Variants in DNM3 observed in about 807,000 individuals in gnomAD.
DNM3 encodes dynamin 3.
In DNM3, 47 loss-of-function variants were observed where a neutral mutation model predicts 101.6. The observed-to-expected ratio is 0.46, with a 90% CI of 0.37 to 0.59. The LOEUF (loss-of-function observed/expected upper bound fraction) is 0.59. Among genes scored for constraint, DNM3 ranks in the 20% least tolerant of loss-of-function variants. DNM3 has a pLI of 0.00. For synonymous variants in DNM3, 385 were observed against 387.9 expected, an observed-to-expected ratio of 0.99 and a Z score of 0.09; for missense variants, 849 against 1,085.7, an observed-to-expected ratio of 0.78 and a Z score of 3.06.
chr1:172,142,736 TAAA>T (rs201730089), intron 14 of DNM3, among the ~76,000 whole-genome samples: 1 of 114,788 alleles, frequency 8.7e-6, no homozygotes. Context: ...ATTTCTAGAG[TAAA>T]AAAAAAAAAA....
chr1:172,206,797 G>A (rs1033298084), intron 14 of DNM3, among the ~76,000 whole-genome samples: 1 of 152,110 alleles, frequency 6.6e-6, no homozygotes, highest in East Asian at 1.9e-4. Context: ...CTGCTGACCT[G>A]AAGTATCTTC....
At chr1:172,090,305 TG>T (rs2053819537) in intron 12 of DNM3, among the ~76,000 whole-genome samples, 1 of 152,134 alleles carries the variant, frequency 6.6e-6, no homozygotes, top group South Asian at 2.1e-4. Context: ...TGGAGGGTGC[TG>T]GAAAAGTGAC....
intron 18 of DNM3, among the ~76,000 whole-genome samples, chr1:172,379,548 T>C (rs1352855184): frequency 1.3e-5 from 2 of 152,038 alleles, no homozygotes; most frequent in African/African-American, 2.4e-5. Flanking sequence ...GCAAAGGATA[T>C]ATTTGTTCCT....
chr1:172,297,504 T>C lies in DNM3; in HGVS notation c.1770-11224T>C, dbSNP rs542757515. On this transcript the variant is annotated intron_variant, in intron 15 of 20. Transcript: ENST00000627582. Reference sequence around the variant, plus strand: ...TTTTATATTTCCTATTTCCTTAATTTTGGCCTTAATCTGTGTTAATTCTCT... The same window carrying C: ...TTTTATATTTCCTATTTCCTTAATTCTGGCCTTAATCTGTGTTAATTCTCT... Among the ~76,000 whole-genome samples the C allele has an allele frequency of 5.9e-5, 9 of 152,272 alleles. No homozygotes were observed. The East Asian group carries it at 1.2e-3, about 20-fold the overall frequency.
At chr1:172,387,049 G>A in intron 18 of DNM3, 84 bp from the exon 19 acceptor site, 4 of 1,190,572 alleles carry the variant, frequency 3.4e-6, no homozygotes, top group Non-Finnish European at 4.9e-6. Flanking sequence ...ACTTTGTCCA[G>A]ACTCTGACTG....
intron 1 of DNM3, among the ~76,000 whole-genome samples, chr1:171,863,149 A>G (rs116428639): frequency 0.01 from 1,541 of 152,130 alleles, 32 homozygotes; most frequent in African/African-American, 0.035. Flanking sequence ...ACCCAGAAGT[A>G]AGATCCAAGA....
chr1:172,135,253 T>G (rs1328101246), intron 14 of DNM3, among the ~76,000 whole-genome samples: 1 of 152,138 alleles, frequency 6.6e-6, no homozygotes, highest in African/African-American at 2.4e-5. Flanking sequence ...ACATTGTTTG[T>G]TCCCTGTCCT....
At position 172,246,522 on chromosome 1, in the gene DNM3, CAA is replaced by C. The variant is rs2061960973; in HGVS notation, c.1660-7049_1660-7048del. On this transcript the variant is annotated intron_variant, in intron 14 of 20. Transcript: ENST00000627582. ...CTGAGCTAGATAATCTCTTTTGAGG[CAA>C]AGAGAAGCAGAGTGGCAAATAGGCA... 2.0e-5 allele frequency among the ~76,000 whole-genome samples: 3 copies of C among 152,078 alleles called. No individual in the cohort carries two copies. In the East Asian group the frequency reaches 5.8e-4, roughly 29 times the overall value.
chr1:172,086,097 A>T (rs1245116983), intron 12 of DNM3, among the ~76,000 whole-genome samples: 1 of 152,196 alleles, frequency 6.6e-6, no homozygotes, highest in Non-Finnish European at 1.5e-5. Context: ...CACCATTTTA[A>T]AAATAAGTAG....
intron 16 of DNM3, among the ~76,000 whole-genome samples, chr1:172,319,962 G>T (rs927386770): frequency 5.9e-5 from 9 of 151,952 alleles, no homozygotes; most frequent in African/African-American, 2.2e-4. Context: ...ACTCACAATA[G>T]CAAAGACTTG....
chr1:172,271,937 G>T (rs1457756378), intron 15 of DNM3, among the ~76,000 whole-genome samples: 2 of 152,076 alleles, frequency 1.3e-5, no homozygotes, highest in Non-Finnish European at 2.9e-5. Context: ...TGACGCCCAT[G>T]GTGATAGATA....
intron 12 of DNM3, among the ~76,000 whole-genome samples, chr1:172,088,977 A>G (rs2053721068): frequency 6.6e-6 from 1 of 152,256 alleles, no homozygotes; most frequent in South Asian, 2.1e-4. Flanking sequence ...ATGTCTCAGC[A>G]TACACCAATT....
At chr1:171,973,140 G>A (rs2044135984) in intron 2 of DNM3, among the ~76,000 whole-genome samples, 1 of 152,176 alleles carries the variant, frequency 6.6e-6, no homozygotes, top group South Asian at 2.1e-4. Flanking sequence ...GGATAGTGGT[G>A]CTGGTGGAAA....
rs1165611083 is a variant in DNM3, at chr1:172,106,847, C to CTTTTTTTTTTTTTTTTTTTTT, written c.1545+13976_1545+13996dup. ...TTATTCAATTTAAGGTAACATTATT[C>CTTTTTTTTTTTTTTTTTTTTT]TTTTTTTTTTTTTTTTTTTTTTTTG... On this transcript the variant is annotated intron_variant, in intron 13 of 20. Transcript: ENST00000627582. Among the ~76,000 whole-genome samples the CTTTTTTTTTTTTTTTTTTTTT allele has an allele frequency of 2.9e-4, 20 of 67,956 alleles. 2 individuals carry two copies. The highest frequency in any genetic ancestry group is 8.9e-4 in the African/African-American group (14 of 15,792). The allele number at this position is 67,956 out of a possible 152,430, so 44.6% of individuals were successfully genotyped here.
chr1:172,024,601 C>T (rs1355864369), intron 4 of DNM3, among the ~76,000 whole-genome samples: 1 of 152,210 alleles, frequency 6.6e-6, no homozygotes, highest in Non-Finnish European at 1.5e-5. Context: ...ACTGAGGTAC[C>T]TGGCTCGTCT....
intron 6 of DNM3, among the ~76,000 whole-genome samples, chr1:172,035,968 A>G (rs954576590): frequency 6.6e-6 from 1 of 152,092 alleles, no homozygotes; most frequent in African/African-American, 2.4e-5. Flanking sequence ...CAATCTGGAT[A>G]TGTTAATTCT....
intron 13 of DNM3, among the ~76,000 whole-genome samples, chr1:172,097,154 C>G (rs545118308): frequency 6.6e-6 from 1 of 152,156 alleles, no homozygotes; most frequent in Admixed American, 6.5e-5. Context: ...GTAATCCCAG[C>G]ACTTTGGGAG....
intron 14 of DNM3, among the ~76,000 whole-genome samples, chr1:172,194,495 A>G (rs985437401): frequency 6.6e-6 from 1 of 152,056 alleles, no homozygotes; most frequent in African/African-American, 2.4e-5. Context: ...GTGGGAGTCT[A>G]AGTCTCTTTT....
intron 11 of DNM3, among the ~76,000 whole-genome samples, chr1:172,075,196 A>G (rs1026812525): frequency 6.6e-6 from 1 of 151,184 alleles, no homozygotes; most frequent in African/African-American, 2.4e-5. Context: ...CGTTCTTTGT[A>G]AATTCTGGAT....
Sources: gnomAD v4.1 joint callset for allele counts (sites outside exome capture counted in the v4.1 genomes callset) on GRCh38, gnomAD v4.1.1 for gene constraint, MANE v1.5 for transcripts, NCBI Gene and HGNC (gene_info 2026-07-23, HGNC 2026-07-21) for gene names.